Variants in BPTF observed in about 807,000 individuals in gnomAD.
The protein encoded by BPTF is bromodomain PHD finger transcription factor.
In BPTF, 18 loss-of-function variants were observed where a neutral mutation model predicts 292.5. The ratio of observed to expected loss-of-function variants is 0.06; its 90% CI spans 0.04 to 0.09. The LOEUF is 0.09. Ranked by LOEUF, BPTF falls within the 10% of genes least tolerant of loss-of-function variation. BPTF has a pLI of 1.00. For synonymous variants in BPTF, 1,225 were observed against 1,251.9 expected, an observed-to-expected ratio of 0.98 and a Z score of 0.45; for missense variants, 2,726 against 3,498.7, an observed-to-expected ratio of 0.78 and a Z score of 5.57.
At chr17:67,874,562 C>A (rs1028620160) in intron 3 of BPTF, among the ~76,000 whole-genome samples, 5 of 152,094 alleles carry the variant, frequency 3.3e-5, no homozygotes, top group Admixed American at 2.6e-4. Context: ...AAGATAGGCT[C>A]ATTTTACTTT....
chr17:67,872,908 T>C (rs575670422), intron 3 of BPTF, among the ~76,000 whole-genome samples: 1 of 151,572 alleles, frequency 6.6e-6, no homozygotes, highest in African/African-American at 2.4e-5. Flanking sequence ...ATAGTGAGAC[T>C]CCATCTCTAT....
At chr17:67,970,430 A>T (rs1158919997) in intron 26 of BPTF, among the ~76,000 whole-genome samples, 4 of 152,140 alleles carry the variant, frequency 2.6e-5, no homozygotes, top group Non-Finnish European at 5.9e-5. Flanking sequence ...ATATACATAC[A>T]TACTAAGTTA....
At chr17:67,832,441 AC>A (rs886357256) in intron 1 of BPTF, among the ~76,000 whole-genome samples, 1 of 152,148 alleles carries the variant, frequency 6.6e-6, no homozygotes, top group African/African-American at 2.4e-5. Flanking sequence ...TGTGATTGTC[AC>A]ATTTTAAAAA....
rs1347827257 is a variant in BPTF, at chr17:67,929,114, CAAG to C, written c.5999-221_5999-219del. 2.3e-6 allele frequency: 3 copies of C among 1,323,836 alleles called. No individual in the cohort carries two copies. The South Asian group carries it at 6.1e-5, about 27-fold the overall frequency. The allele number at this position is 1,323,836 out of a possible 1,614,324, so 82.0% of individuals were successfully genotyped here. A position where few individuals can be genotyped will look rare whatever the true frequency, so the allele number is the denominator to read the frequency against. ...TGTCGCTGTAAATGTGCCAGCAACA[CAAG>C]GAGGTAAGGGAAATGTGAAGTTTTA... is the stretch of plus-strand genomic sequence containing the variant. On this transcript the variant is annotated intron_variant, in intron 16 of 27. Transcript: ENST00000306378.
chr17:67,856,114 T>A (rs573644392), intron 2 of BPTF, among the ~76,000 whole-genome samples: 2 of 152,350 alleles, frequency 1.3e-5, no homozygotes, highest in Non-Finnish European at 1.5e-5. Flanking sequence ...AACGTTGGAC[T>A]TCCTATTTTG....
intron 23 of BPTF, chr17:67,956,474 C>T (rs2148215034): frequency 6.6e-6 from 1 of 152,120 alleles, no homozygotes; most frequent in East Asian, 2.0e-4. Flanking sequence ...TGTGCCACCA[C>T]ACCTGGCTGA....
In BPTF at chr17:67,893,735, A is replaced by G. The variant is rs374203346; in HGVS notation, c.2411+10A>G. Reference sequence around the variant, plus strand: ...ACTGGGCATCACATAGGTAAAGGAAACTAAGGTTAATTTATTGCTGTAAAT... The same window carrying G: ...ACTGGGCATCACATAGGTAAAGGAAGCTAAGGTTAATTTATTGCTGTAAAT... On this transcript the variant is annotated intron_variant, in intron 6 of 27. Coordinates refer to ENST00000306378, the MANE Select transcript of BPTF (RefSeq NM_182641.4). 136 of 1,525,730 alleles carry G rather than the reference A, an allele frequency of 8.9e-5. No homozygotes were observed. Among genetic ancestry groups the G allele is most frequent in the Admixed American group, 1.3e-4 (7 of 52,654 alleles). The allele number at this position is 1,525,730 out of a possible 1,614,324, so 94.5% of individuals were successfully genotyped here.
intron 16 of BPTF, 25 bp downstream of exon 16, chr17:67,928,626 G>C: frequency 6.4e-7 from 1 of 1,561,446 alleles, no homozygotes. Context: ...TTAAGTAAAA[G>C]ATTACTTTGG....
intron 24 of BPTF, among the ~76,000 whole-genome samples, chr17:67,961,470 C>T (rs1486881953): frequency 2.0e-5 from 3 of 151,940 alleles, no homozygotes; most frequent in Non-Finnish European, 1.5e-5. Context: ...AGAACACAGC[C>T]TATCACCCTG....
intron 13 of BPTF, 62 bp downstream of exon 13, chr17:67,920,205 A>T: frequency 6.6e-7 from 1 of 1,524,032 alleles, no homozygotes; most frequent in Non-Finnish European, 8.9e-7. Context: ...TATGAATTGA[A>T]ATTTGATATA....
chr17:67,895,842 T>C (rs2061404752), intron 7 of BPTF, among the ~76,000 whole-genome samples: 1 of 152,090 alleles, frequency 6.6e-6, no homozygotes, highest in Non-Finnish European at 1.5e-5. Flanking sequence ...ATTCGACTCC[T>C]TCCTAGTACA....
intron 9 of BPTF, 53 bp downstream of exon 9, chr17:67,904,893 T>C: frequency 7.2e-7 from 1 of 1,387,536 alleles, no homozygotes; most frequent in Non-Finnish European, 9.8e-7. Flanking sequence ...TTATATTTCT[T>C]ATAAATTTGT....
intron 7 of BPTF, among the ~76,000 whole-genome samples, chr17:67,898,799 G>A (rs999628925): frequency 6.6e-6 from 1 of 151,086 alleles, no homozygotes; most frequent in Non-Finnish European, 1.5e-5. Flanking sequence ...TCTCCCACCT[G>A]TAATCCCAGC....
At chr17:67,943,431 T>C (rs1274290821) in intron 19 of BPTF, among the ~76,000 whole-genome samples, 2 of 152,136 alleles carry the variant, frequency 1.3e-5, no homozygotes, top group Non-Finnish European at 2.9e-5. Context: ...TCTAGTTGAA[T>C]TACAGTTCTG....
chr17:67,927,253 A>G (rs2063995390), intron 15 of BPTF, among the ~76,000 whole-genome samples: 1 of 152,196 alleles, frequency 6.6e-6, no homozygotes, highest in Non-Finnish European at 1.5e-5. Context: ...ATGAAGGTAA[A>G]GCATCTGCCA....
At chr17:67,849,060 G>A (rs1447816239) in intron 1 of BPTF, among the ~76,000 whole-genome samples, 2 of 152,098 alleles carry the variant, frequency 1.3e-5, no homozygotes, top group Non-Finnish European at 2.9e-5. Flanking sequence ...TGCCTCCTGA[G>A]GCATCTTTTT....
At chr17:67,902,736 G>A (rs143495041) in intron 7 of BPTF, among the ~76,000 whole-genome samples, 1 of 152,030 alleles carries the variant, frequency 6.6e-6, no homozygotes, top group Non-Finnish European at 1.5e-5. Flanking sequence ...AGTTTTTTGT[G>A]GGGGGAAAGG....
At chr17:67,909,907 T>G (rs1430863933) in intron 10 of BPTF, 146 bp downstream of exon 10, 6 of 604,456 alleles carry the variant, frequency 9.9e-6, no homozygotes, top group Non-Finnish European at 1.5e-5. Context: ...TTCACCCAAT[T>G]AAAGTGTAAA....
intron 25 of BPTF, chr17:67,965,020 A>AAG: frequency 6.8e-6 from 1 of 147,982 alleles, no homozygotes; most frequent in African/African-American, 2.5e-5. Flanking sequence ...AAAAAAAAAA[A>AAG]GATTATAGTT....
Sources: gnomAD v4.1 joint callset for allele counts (sites outside exome capture counted in the v4.1 genomes callset) on GRCh38, gnomAD v4.1.1 for gene constraint, MANE v1.5 for transcripts, NCBI Gene and HGNC (gene_info 2026-07-23, HGNC 2026-07-21) for gene names.